ITPR1: variants seen among roughly 807,000 people sequenced by gnomAD.
ITPR1 encodes the protein inositol 1,4,5-trisphosphate-gated calcium channel ITPR1.
Under a neutral mutation model 318.4 loss-of-function variants are expected in ITPR1, and 96 were observed. The ratio of observed to expected loss-of-function variants is 0.30; its 90% CI spans 0.26 to 0.36. The LOEUF is 0.36. Ranked by LOEUF, ITPR1 falls within the 10% of genes least tolerant of loss-of-function variation. The pLI is 1.00. For synonymous variants in ITPR1, 1,312 were observed against 1,289.9 expected (o/e 1.02, Z -0.37); for missense variants, 2,440 against 3,460.2 (o/e 0.71, Z 7.40).
At chr3:4,688,411 C>A in intron 30 of ITPR1, 84 bp from the exon 31 acceptor site, 1 of 1,529,944 alleles carries the variant, frequency 6.5e-7, no homozygotes, top group South Asian at 1.2e-5. Flanking sequence ...TTCTGACTCC[C>A]ACGTTAGCAG....
rs1575341476 is a variant in ITPR1 at position 4,811,468 on chromosome 3, T to C, written c.7468+8T>C. On this transcript the variant is annotated splice_region_variant and intron_variant, in intron 56 of 61. Transcript: ENST00000649015. Reference sequence around the variant, plus strand: ...ATGAAACAGCTGTTCCAGGTGGGTTTGGGATCTTCTGATCTTTTTAATGCT... The same window carrying C: ...ATGAAACAGCTGTTCCAGGTGGGTTCGGGATCTTCTGATCTTTTTAATGCT... 2 of 1,606,806 alleles carry C rather than the reference T, an allele frequency of 1.2e-6. No individual in the cohort carries two copies. The highest frequency in any genetic ancestry group is 2.7e-5 in the African/African-American group (2 of 74,714).
Position 4,815,166 on chromosome 3 carries a change from G to A in ITPR1, c.7815G>A (p.Arg2605=). ...GVIIDTFADL[R]SEKQKKEEIL... ...TCATTGACACTTTTGCTGACCTGAG[G>A]AGTGAGAAGCAGAAGAAGGAAGAGA... The change falls in exon 59 of 62, where the codon AGG becomes AGA. Residue 2605 remains arginine, a synonymous_variant. Coordinates refer to ENST00000649015, the MANE Select transcript of ITPR1 (RefSeq NM_001378452.1). The A allele has an allele frequency of 6.2e-7, 1 of 1,613,970 alleles. No homozygotes were observed. Among genetic ancestry groups the A allele is most frequent in the Non-Finnish European group, 8.5e-7 (1 of 1,179,876 alleles).
chr3:4,811,565 G>T, intron 56 of ITPR1, 105 bp downstream of exon 56: 1 of 853,954 alleles, frequency 1.2e-6, no homozygotes, highest in Non-Finnish European at 1.8e-6. Flanking sequence ...TCTCCCCATT[G>T]TATCTCCCTA....
chr3:4,821,639 A>G (rs2049726496), intron 60 of ITPR1, among the ~76,000 whole-genome samples: 1 of 152,190 alleles, frequency 6.6e-6, no homozygotes, highest in Non-Finnish European at 1.5e-5. Context: ...CCCATGTCCC[A>G]AGGGCACATT....
chr3:4,814,979 G>C, intron 58 of ITPR1, 74 bp from the exon 59 acceptor site: 1 of 1,273,902 alleles, frequency 7.8e-7, no homozygotes. Flanking sequence ...GGTCTCACTT[G>C]AGCTGTGCCC....
Position 4,702,969 on chromosome 3 carries a change from T to G in ITPR1, c.4657+19T>G. On this transcript the variant is annotated intron_variant, in intron 36 of 61. Transcript: ENST00000649015. Reference sequence around the variant, plus strand: ...GATGTAGGTAAGATACCAAGTCAGTTTGGATATACGTGATGAAAATGAATT... The same window carrying G: ...GATGTAGGTAAGATACCAAGTCAGTGTGGATATACGTGATGAAAATGAATT... 1 of 1,611,908 alleles carries G rather than the reference T, an allele frequency of 6.2e-7. No individual in the cohort carries two copies. The highest frequency in any genetic ancestry group is 1.1e-5 in the South Asian group (1 of 91,004).
intron 4 of ITPR1, among the ~76,000 whole-genome samples, chr3:4,562,743 A>G (rs999087041): frequency 1.5e-5 from 2 of 137,056 alleles, no homozygotes; most frequent in Admixed American, 7.3e-5. Context: ...AAAAAAAAAA[A>G]TCAAGTGCGT....
In ITPR1 at chr3:4,782,761, T is replaced by C; in HGVS notation, c.6510+20T>C. The C allele has an allele frequency of 6.9e-7, 1 of 1,445,422 alleles. No homozygotes were observed. Among genetic ancestry groups the C allele is most frequent in the African/African-American group, 1.4e-5 (1 of 69,320 alleles). 89.5% of individuals were successfully genotyped at this position (1,445,422 alleles called of 1,614,324 possible). On this transcript the variant is annotated intron_variant, in intron 50 of 61. Coordinates refer to ENST00000649015, the MANE Select transcript of ITPR1 (RefSeq NM_001378452.1). The stretch of plus-strand genomic sequence containing the variant: ...CATCAGGTATGATCTCTCCTGTGCC[T>C]CCTCTGGATGCTGCCTCCCTACAGG...
intron 61 of ITPR1, among the ~76,000 whole-genome samples, chr3:4,844,026 G>A (rs1287463083): frequency 1.3e-5 from 2 of 151,994 alleles, no homozygotes; most frequent in African/African-American, 4.8e-5. Flanking sequence ...AGTCTTAATG[G>A]CCAACTTTGA....
chr3:4,678,010 A>G (rs2094218663), intron 24 of ITPR1, among the ~76,000 whole-genome samples: 1 of 152,192 alleles, frequency 6.6e-6, no homozygotes, highest in Non-Finnish European at 1.5e-5. Flanking sequence ...CCTTAATGGA[A>G]AGAATTATGT....
chr3:4,658,030 C>G lies in ITPR1; in HGVS notation c.997-94C>G, dbSNP rs1306895180. ...CCTGCCAACTGCTGACATTCACGATCCTTTCTTCTCCGTTCCTGTGGATTG... is the reference window on the plus strand; with the variant it reads ...CCTGCCAACTGCTGACATTCACGATGCTTTCTTCTCCGTTCCTGTGGATTG... On this transcript the variant is annotated intron_variant, in intron 12 of 61. Coordinates refer to ENST00000649015, the MANE Select transcript of ITPR1 (RefSeq NM_001378452.1). The G allele has an allele frequency of 3.2e-6, 4 of 1,249,054 alleles. No homozygotes were observed. The African/African-American group carries it at 4.6e-5, about 14-fold the overall frequency. 77.4% of individuals were successfully genotyped at this position (1,249,054 alleles called of 1,614,324 possible).
chr3:4,541,863 A>G (rs1167090345), intron 4 of ITPR1, among the ~76,000 whole-genome samples: 2 of 152,112 alleles, frequency 1.3e-5, no homozygotes. Flanking sequence ...TGACCTGATG[A>G]TACACCCACC....
intron 4 of ITPR1, among the ~76,000 whole-genome samples, chr3:4,538,518 C>T (rs1160673584): frequency 6.6e-6 from 1 of 152,154 alleles, no homozygotes; most frequent in Non-Finnish European, 1.5e-5. Context: ...ATCAGAAATA[C>T]CATTCGACCC....
Position 4,512,316 on chromosome 3 carries a change from G to A in ITPR1, c.-16-4160G>A, listed in dbSNP as rs1275422572. ...GTTTGAACAAAGAATAGGCTCTATT[G>A]CCCAGTGAGACCATCCATAGGCAGC... On this transcript the variant is annotated intron_variant, in intron 2 of 61. Transcript: ENST00000649015. Among the ~76,000 whole-genome samples, 3 of 152,156 alleles carry A rather than the reference G, an allele frequency of 2.0e-5. No homozygotes were observed. In the East Asian group the frequency reaches 5.8e-4, roughly 29 times the overall value.
intron 4 of ITPR1, among the ~76,000 whole-genome samples, chr3:4,549,712 T>C (rs2085368321): frequency 6.6e-6 from 1 of 152,196 alleles, no homozygotes. Context: ...TGGGTTTTCA[T>C]CAGTAGCCTC....
chr3:4,727,239 A>AT, intron 42 of ITPR1, 66 bp downstream of exon 42: 2 of 1,169,188 alleles, frequency 1.7e-6, no homozygotes, highest in Non-Finnish European at 2.4e-6. Flanking sequence ...TCCATCAGCC[A>AT]CACACTGTGA....
At chr3:4,513,931 C>G (rs892710687) in intron 2 of ITPR1, among the ~76,000 whole-genome samples, 1 of 152,088 alleles carries the variant, frequency 6.6e-6, no homozygotes, top group African/African-American at 2.4e-5. Context: ...ACAAAAAATA[C>G]AAACGTTTAG....
chr3:4,831,119 T>TCACA (rs1473145180), intron 60 of ITPR1: 13 of 272,388 alleles, frequency 4.8e-5, no homozygotes, highest in African/African-American at 8.9e-5. Context: ...TCTCTCTCTC[T>TCACA]CTCTCTCTCT....
intron 4 of ITPR1, among the ~76,000 whole-genome samples, chr3:4,542,983 T>A (rs190695785): frequency 1.8e-4 from 28 of 152,360 alleles, no homozygotes; most frequent in Non-Finnish European, 3.7e-4. Flanking sequence ...AAATGCATAC[T>A]TGCTTCCTGC....
Sources: allele counts gnomAD v4.1 joint callset (sites outside exome capture counted in the v4.1 genomes callset), GRCh38; gene constraint gnomAD v4.1.1; transcripts MANE v1.5; gene names NCBI Gene and HGNC (gene_info 2026-07-23, HGNC 2026-07-21).